Variants in CHL1 observed in about 807,000 individuals in gnomAD.
The protein encoded by CHL1 is neural cell adhesion molecule L1-like protein.
A neutral mutation model predicts 141.9 loss-of-function variants in CHL1; 96 were observed. That is an observed-to-expected ratio of 0.68 (90% CI 0.57 to 0.80). CHL1 has a LOEUF of 0.80. Among genes scored for constraint, CHL1 ranks in the 30% least tolerant of loss-of-function variants. The probability of loss-of-function intolerance (pLI) is 0.00; values close to 1 mark genes in which losing one functional copy is unlikely to be tolerated. For synonymous variants in CHL1, 613 were observed against 502.2 expected (o/e 1.22, Z -2.95); for missense variants, 1,820 against 1,457.2 (o/e 1.25, Z -4.05).
At chr3:365,829 A>G in intron 14 of CHL1, 121 bp from the exon 15 acceptor site, 1 of 678,108 alleles carries the variant, frequency 1.5e-6, no homozygotes, top group Non-Finnish European at 2.4e-6. Flanking sequence ...TTACAGTGGG[A>G]CAAACCCTGC....
At chr3:294,098 C>T (rs950359177) in intron 2 of CHL1, among the ~76,000 whole-genome samples, 3 of 151,920 alleles carry the variant, frequency 2.0e-5, no homozygotes, top group South Asian at 2.1e-4. Flanking sequence ...GCAGGCAGAT[C>T]GGTTGAGCCT....
At chr3:201,838 C>A (rs1698975172) in intron 1 of CHL1, among the ~76,000 whole-genome samples, 1 of 152,110 alleles carries the variant, frequency 6.6e-6, no homozygotes, top group Non-Finnish European at 1.5e-5. Flanking sequence ...CTCTGTTGCC[C>A]ATCTTCTGAT....
chr3:235,573 TG>T (rs1691885719), intron 1 of CHL1, among the ~76,000 whole-genome samples: 1 of 152,174 alleles, frequency 6.6e-6, no homozygotes, highest in African/African-American at 2.4e-5. Flanking sequence ...AGGTGGTATC[TG>T]AGGTTACTAT....
At chr3:367,957 A>G (rs1181678388) in intron 15 of CHL1, among the ~76,000 whole-genome samples, 11 of 152,174 alleles carry the variant, frequency 7.2e-5, no homozygotes, top group African/African-American at 2.2e-4. Context: ...ATAGTATTCC[A>G]TGGTGTATCT....
intron 9 of CHL1, among the ~76,000 whole-genome samples, chr3:347,780 A>G (rs1403176386): frequency 6.6e-6 from 1 of 152,212 alleles, no homozygotes; most frequent in Non-Finnish European, 1.5e-5. Context: ...GCCAGCAGCT[A>G]ATATGCTCTC....
At chr3:203,033 A>G (rs1388583555) in intron 1 of CHL1, among the ~76,000 whole-genome samples, 1 of 152,212 alleles carries the variant, frequency 6.6e-6, no homozygotes, top group Non-Finnish European at 1.5e-5. Context: ...CAGACTTCCA[A>G]TGAGGTAGGG....
At chr3:209,974 C>A (rs755443353) in intron 1 of CHL1, among the ~76,000 whole-genome samples, 15 of 152,158 alleles carry the variant, frequency 9.9e-5, no homozygotes, top group African/African-American at 1.7e-4. Flanking sequence ...TGAAGTTGAG[C>A]TCATGCTATT....
At chr3:222,836 C>A (rs1700975498) in intron 1 of CHL1, among the ~76,000 whole-genome samples, 1 of 152,206 alleles carries the variant, frequency 6.6e-6, no homozygotes, top group African/African-American at 2.4e-5. Flanking sequence ...TCAAAGTATT[C>A]ATTACTTCCA....
chr3:335,374 C>T (rs547171719), intron 5 of CHL1, among the ~76,000 whole-genome samples: 3 of 152,288 alleles, frequency 2.0e-5, no homozygotes, highest in East Asian at 1.9e-4. Flanking sequence ...TCATTATGAG[C>T]TCATGGACTG....
chr3:311,761 G>A (rs1227638755), intron 2 of CHL1, among the ~76,000 whole-genome samples: 1 of 152,160 alleles, frequency 6.6e-6, no homozygotes, highest in African/African-American at 2.4e-5. Context: ...GTAAAAGTTT[G>A]CTGAGCTGTA....
At chr3:205,920 A>G (rs1699393825) in intron 1 of CHL1, among the ~76,000 whole-genome samples, 3 of 152,322 alleles carry the variant, frequency 2.0e-5, no homozygotes, top group East Asian at 3.9e-4. Context: ...ATGTCACACA[A>G]TATGTCTTGC....
chr3:209,651 G>C (rs550171958), intron 1 of CHL1, among the ~76,000 whole-genome samples: 2 of 152,242 alleles, frequency 1.3e-5, no homozygotes, highest in Non-Finnish European at 2.9e-5. Flanking sequence ...TGCCATGTTG[G>C]TGTGCTGCAC....
intron 2 of CHL1, among the ~76,000 whole-genome samples, chr3:286,432 G>A (rs972420291): frequency 6.6e-6 from 1 of 151,966 alleles, no homozygotes. Context: ...CCAACATGGT[G>A]AAACCCCATC....
chr3:241,191 G>T (rs1188990921), intron 1 of CHL1, among the ~76,000 whole-genome samples: 5 of 152,082 alleles, frequency 3.3e-5, no homozygotes, highest in African/African-American at 4.8e-5. Flanking sequence ...ATGATTTGTT[G>T]TCAGTTCAGT....
At chr3:250,552 C>T (rs1347192765) in intron 2 of CHL1, among the ~76,000 whole-genome samples, 2 of 152,062 alleles carry the variant, frequency 1.3e-5, no homozygotes, top group African/African-American at 2.4e-5. Context: ...CCTCCTGGTA[C>T]AGCAGTGGGA....
intron 2 of CHL1, among the ~76,000 whole-genome samples, chr3:273,228 G>C (rs901727227): frequency 2.6e-5 from 4 of 152,146 alleles, no homozygotes; most frequent in Admixed American, 2.6e-4. Flanking sequence ...GTGAGTGTGC[G>C]ATAGCTAGAA....
chr3:354,614 T>C (rs757948293), intron 10 of CHL1, 26 bp from the exon 11 acceptor site: 1 of 1,598,808 alleles, frequency 6.3e-7, no homozygotes, highest in South Asian at 1.1e-5. Context: ...ATAACATCTC[T>C]CATGAGCTCT....
chr3:390,753 A>C lies in CHL1; in HGVS notation c.2523A>C (p.Leu841Phe). The change falls in exon 21 of 28, where the codon TTA becomes TTC. Residue 841 changes from leucine (L) to phenylalanine (F), a missense_variant. Coordinates refer to ENST00000256509, the MANE Select transcript of CHL1 (RefSeq NM_006614.4). ...IHGVDVINST[L>F]VKVTWSTVPK... ...GGGTGGACGTTATAAACAGTACATT[A>C]GTTAAAGTTACCTGGTCAACAGTTC... The C allele has an allele frequency of 1.2e-6, 2 of 1,612,452 alleles. No individual in the cohort carries two copies.
At chr3:263,004 T>A (rs142644910) in intron 2 of CHL1, among the ~76,000 whole-genome samples, 400 of 152,336 alleles carry the variant, frequency 2.6e-3, no homozygotes, top group Non-Finnish European at 5.0e-3. Context: ...TTCAAGAGGA[T>A]CCTTCCCTAA....
Sources: allele counts gnomAD v4.1 joint callset (sites outside exome capture counted in the v4.1 genomes callset), GRCh38; gene constraint gnomAD v4.1.1; transcripts MANE v1.5; gene names NCBI Gene and HGNC (gene_info 2026-07-23, HGNC 2026-07-21).